The following ELFN2 variants were observed in gnomAD, a reference collection of about 807,000 sequenced individuals.
ELFN2 encodes extracellular leucine rich repeat and fibronectin type III domain containing 2.
In ELFN2, 17 loss-of-function variants were observed where a neutral mutation model predicts 45.5. That is an observed-to-expected ratio of 0.37 (90% CI 0.26 to 0.56). ELFN2 has a LOEUF of 0.56. Among genes scored for constraint, ELFN2 ranks in the 20% least tolerant of loss-of-function variants. The pLI is 0.77. For missense variants in ELFN2, 922 were observed against 1,183.2 expected, an observed-to-expected ratio of 0.78 and a Z score of 3.24; for synonymous variants, 550 against 551.5, an observed-to-expected ratio of 1.00 and a Z score of 0.04.
At chr22:37,354,782 A>G (rs1315578026) in intron 1 of ELFN2, 1 of 145,204 alleles carries the variant, frequency 6.9e-6, no homozygotes, top group Non-Finnish European at 1.5e-5. Context: ...TGTCCTATGC[A>G]TTGTGAAATG....
chr22:37,394,746 G>A (rs937676837), intron 2 of ELFN2, among the ~76,000 whole-genome samples: 1 of 152,156 alleles, frequency 6.6e-6, no homozygotes, highest in African/African-American at 2.4e-5. Flanking sequence ...TCCTCGCCTG[G>A]GACTGAGCAC....
In ELFN2 at chr22:37,375,670, G is replaced by A. The variant is rs1400929722; in HGVS notation, c.-136C>T. On this transcript the variant is annotated 5_prime_UTR_variant, in exon 3 of 3. Transcript: ENST00000402918. ...CCCCAGCACGGGGGCCCCAGGCAAG[G>A]TGGGTACAGCTAGTGCCAACTGCTG... is the stretch of plus-strand genomic sequence containing the variant. The A allele has an allele frequency of 3.9e-6, 4 of 1,024,562 alleles. No homozygotes were observed. Among genetic ancestry groups the A allele is most frequent in the Non-Finnish European group, 5.6e-6 (4 of 712,804 alleles). 63.5% of individuals were successfully genotyped at this position (1,024,562 alleles called of 1,614,324 possible). A position where few individuals can be genotyped will look rare whatever the true frequency, so the allele number is the denominator to read the frequency against.
intron 2 of ELFN2, among the ~76,000 whole-genome samples, chr22:37,376,993 G>A (rs940484726): frequency 4.6e-5 from 7 of 152,188 alleles, no homozygotes; most frequent in Admixed American, 1.3e-4. Context: ...CAGGAGGCCT[G>A]GAGCCCCACA....
chr22:37,405,039 C>T (rs192078252), intron 2 of ELFN2, among the ~76,000 whole-genome samples: 1 of 151,680 alleles, frequency 6.6e-6, no homozygotes, highest in East Asian at 1.9e-4. Flanking sequence ...GGGTCCCCTA[C>T]TTACCAACTG....
intron 2 of ELFN2, among the ~76,000 whole-genome samples, chr22:37,382,227 G>A (rs1453420185): frequency 1.3e-5 from 2 of 152,252 alleles, no homozygotes; most frequent in African/African-American, 2.4e-5. Context: ...CCTGGAAGAC[G>A]ATGTCCCGTC....
chr22:37,415,498 A>G (rs958091016), intron 2 of ELFN2, among the ~76,000 whole-genome samples: 2 of 152,188 alleles, frequency 1.3e-5, no homozygotes, highest in African/African-American at 4.8e-5. Context: ...CCAGGGTACT[A>G]TGTGCCTGTC....
Position 37,369,631 on chromosome 22 carries a change from A to C in ELFN2, c.*3441T>G, listed in dbSNP as rs1931308703. ...AGGCCATAAGCTCCAACAGAGGGTT[A>C]GCTGCACCTGCTGTGCCCTCCCAGG... On this transcript the variant is annotated 3_prime_UTR_variant, in exon 3 of 3. Coordinates refer to ENST00000402918, the MANE Select transcript of ELFN2 (RefSeq NM_052906.5). 1.3e-5 allele frequency: 2 copies of C among 152,292 alleles called. No individual in the cohort carries two copies. The highest frequency in any genetic ancestry group is 2.9e-5 in the Non-Finnish European group (2 of 68,064). 9.4% of individuals were successfully genotyped at this position (152,292 alleles called of 1,614,324 possible).
intron 2 of ELFN2, among the ~76,000 whole-genome samples, chr22:37,398,676 C>T (rs1276438028): frequency 1.3e-5 from 2 of 152,174 alleles, no homozygotes; most frequent in South Asian, 2.1e-4. Context: ...TCTGGCTTGG[C>T]TCTGTCTCTG....
chr22:37,407,113 TTGTGTGTGCTTG>T (rs1240835018), intron 2 of ELFN2, among the ~76,000 whole-genome samples: 1 of 152,078 alleles, frequency 6.6e-6, no homozygotes. Flanking sequence ...GTGTGTGCAT[TTGTGTGTGCTTG>T]TGTGTGTGCG....
At chr22:37,345,381 C>T (rs1601729808) in intron 1 of ELFN2, among the ~76,000 whole-genome samples, 1 of 152,230 alleles carries the variant, frequency 6.6e-6, no homozygotes, top group Middle Eastern at 3.4e-3. Context: ...CTCAGCAAGT[C>T]GCTCCACTTC....
In ELFN2 at chr22:37,375,821, G is replaced by T; in HGVS notation, c.-287C>A. ...GCTAGGAAGGTGCAAGGGTTCTCAG[G>T]GCTTGACTTCCTCTCCCTCCTCCTC... On this transcript the variant is annotated 5_prime_UTR_variant, in exon 3 of 3. Transcript: ENST00000402918. The T allele has an allele frequency of 2.1e-6, 1 of 474,990 alleles. No individual in the cohort carries two copies. Among genetic ancestry groups the T allele is most frequent in the Non-Finnish European group, 3.8e-6 (1 of 262,958 alleles). 29.4% of individuals were successfully genotyped at this position (474,990 alleles called of 1,614,324 possible).
chr22:37,386,822 T>C (rs138107948), intron 2 of ELFN2, among the ~76,000 whole-genome samples: 107 of 152,272 alleles, frequency 7.0e-4, no homozygotes, highest in Admixed American at 2.0e-3. Flanking sequence ...CCTAACGTGC[T>C]GCCAAAGCGC....
At position 37,373,691 on chromosome 22, in the gene ELFN2, T is replaced by C; in HGVS notation, c.1844A>G (p.Gln615Arg). The C allele has an allele frequency of 6.4e-7, 1 of 1,561,850 alleles. No individual in the cohort carries two copies. Among genetic ancestry groups the C allele is most frequent in the Non-Finnish European group, 8.6e-7 (1 of 1,158,106 alleles). The change falls in exon 3 of 3, where the codon CAG becomes CGG. Residue 615 changes from glutamine (Q) to arginine (R), a missense_variant. Transcript: ENST00000402918. Reference protein sequence around the residue: ...PYKESSHHPLQRQLSADAAVT... With the variant: ...PYKESSHHPLRRQLSADAAVT... Reference sequence around the variant, plus strand: ...GGCCGCGTCGGCGCTCAGCTGGCGCTGTAGTGGGTGGTGGGAGCTCTCCTT... The same window carrying C: ...GGCCGCGTCGGCGCTCAGCTGGCGCCGTAGTGGGTGGTGGGAGCTCTCCTT...
Position 37,374,101 on chromosome 22 carries a change from C to G in ELFN2, c.1434G>C (p.Gly478=), listed in dbSNP as rs1931481421. ...SRMASIPSMI[G]EKLPTAKGLE... The stretch of plus-strand genomic sequence containing the variant: ...ACCCCTTGGCGGTGGGCAGCTTCTC[C>G]CCGATCATGGAGGGGATGGAGGCCA... Residue 478 remains glycine (G), a synonymous_variant, in exon 3 of 3, where the codon GGG becomes GGC. Coordinates refer to ENST00000402918, the MANE Select transcript of ELFN2 (RefSeq NM_052906.5). The G allele has an allele frequency of 1.2e-6, 2 of 1,613,122 alleles. No individual in the cohort carries two copies. Among genetic ancestry groups the G allele is most frequent in the Non-Finnish European group, 1.7e-6 (2 of 1,180,018 alleles).
chr22:37,358,915 G>A (rs1246720879), intron 1 of ELFN2, among the ~76,000 whole-genome samples: 3 of 152,170 alleles, frequency 2.0e-5, no homozygotes, highest in South Asian at 2.1e-4. Context: ...CCAAAAAAAC[G>A]GCCCATCATG....
At chr22:37,356,379 T>G (rs924108276) in intron 1 of ELFN2, among the ~76,000 whole-genome samples, 3 of 152,092 alleles carry the variant, frequency 2.0e-5, no homozygotes, top group African/African-American at 7.2e-5. Context: ...TAACACAGGA[T>G]GGGGCATATG....
In ELFN2 at chr22:37,368,642, G is replaced by C. The variant is rs1320003668; in HGVS notation, c.*4430C>G. 1.3e-5 allele frequency: 2 copies of C among 152,346 alleles called. No individual in the cohort carries two copies. Among genetic ancestry groups the C allele is most frequent in the Non-Finnish European group, 2.9e-5 (2 of 68,126 alleles). 9.4% of individuals were successfully genotyped at this position (152,346 alleles called of 1,614,324 possible). On this transcript the variant is annotated 3_prime_UTR_variant, in exon 3 of 3. Coordinates refer to ENST00000402918, the MANE Select transcript of ELFN2 (RefSeq NM_052906.5). ...AGCAGCCACCTTGTCAGACAGGAGA[G>C]GTGGCAATGGGGCCAGCCAGGCAAG...
intron 1 of ELFN2, among the ~76,000 whole-genome samples, chr22:37,424,795 C>T (rs1932836125): frequency 1.3e-5 from 2 of 152,084 alleles, no homozygotes; most frequent in African/African-American, 4.8e-5. Flanking sequence ...CAAAGAACTG[C>T]CGTGGAAATC....
intron 2 of ELFN2, among the ~76,000 whole-genome samples, chr22:37,396,898 G>A (rs1932227478): frequency 6.6e-6 from 1 of 152,174 alleles, no homozygotes; most frequent in Non-Finnish European, 1.5e-5. Flanking sequence ...TCCATGCCAG[G>A]ACAGGCCACT....
Sources: allele counts gnomAD v4.1 joint callset (sites outside exome capture counted in the v4.1 genomes callset), GRCh38; gene constraint gnomAD v4.1.1; transcripts MANE v1.5; gene names NCBI Gene and HGNC (gene_info 2026-07-23, HGNC 2026-07-21).